WDR76: variants seen among roughly 807,000 people sequenced by gnomAD.
The protein encoded by WDR76 is WD repeat domain 76, also known as WD repeat-containing protein 76.
A neutral mutation model predicts 70.2 loss-of-function variants in WDR76; 52 were observed. The observed-to-expected ratio is 0.74, with a 90% CI of 0.59 to 0.93. WDR76 has a LOEUF of 0.93. WDR76 is among the 40% of genes least tolerant of loss of function. WDR76 has a pLI of 0.00. For synonymous variants in WDR76, 292 were observed against 271.1 expected, an observed-to-expected ratio of 1.08 and a Z score of -0.76; for missense variants, 756 against 760.2, an observed-to-expected ratio of 0.99 and a Z score of 0.07.
At chr15:43,859,260 G>A (rs2087968066) in intron 11 of WDR76, among the ~76,000 whole-genome samples, 1 of 152,130 alleles carries the variant, frequency 6.6e-6, no homozygotes, top group South Asian at 2.1e-4. Context: ...TATTGGATAT[G>A]GTTTTATAGT....
At chr15:43,850,517 G>T (rs942248470) in intron 8 of WDR76, among the ~76,000 whole-genome samples, 2 of 151,938 alleles carry the variant, frequency 1.3e-5, no homozygotes, top group Admixed American at 6.6e-5. Context: ...GGATGGTCTC[G>T]ATCTCCTGAC....
At position 43,839,787 on chromosome 15, in the gene WDR76, G is replaced by A. The variant is rs1033522439; in HGVS notation, c.732+59G>A. Reference sequence around the variant, plus strand: ...AATAAAATACTGAAAAATTTGAAGTGTTGAAACTAGACTAAAAGTTCATTA... The same window carrying A: ...AATAAAATACTGAAAAATTTGAAGTATTGAAACTAGACTAAAAGTTCATTA... On this transcript the variant is annotated intron_variant, in intron 5 of 12. Coordinates refer to ENST00000263795, the MANE Select transcript of WDR76 (RefSeq NM_024908.4). The A allele has an allele frequency of 7.4e-6, 11 of 1,477,924 alleles. No homozygotes were observed. In the African/African-American group the frequency reaches 1.0e-4, roughly 14 times the overall value. The allele number at this position is 1,477,924 out of a possible 1,614,324, so 91.6% of individuals were successfully genotyped here.
At chr15:43,854,815 T>C (rs2087909079) in intron 9 of WDR76, among the ~76,000 whole-genome samples, 1 of 152,106 alleles carries the variant, frequency 6.6e-6, no homozygotes, top group Non-Finnish European at 1.5e-5. Context: ...ATGGGCATGG[T>C]GGCTCACGCC....
At position 43,851,080 on chromosome 15, in the gene WDR76, C is replaced by A. The variant is rs760031372; in HGVS notation, c.1033-7C>A. Reference sequence around the variant, plus strand: ...TCTCTCTCCCCTTTCCCGCAACTCTCTTCCAGACCCAGCAACCTAAAGAAG... The same window carrying A: ...TCTCTCTCCCCTTTCCCGCAACTCTATTCCAGACCCAGCAACCTAAAGAAG... On this transcript the variant is annotated splice_region_variant and splice_polypyrimidine_tract_variant and intron_variant, in intron 8 of 12. Transcript: ENST00000263795. 3.1e-6 allele frequency: 5 copies of A among 1,613,810 alleles called. No homozygotes were observed. In the South Asian group the frequency reaches 5.5e-5, roughly 18 times the overall value.
At chr15:43,835,291 A>ACCCGCAC (rs2087641580) in intron 3 of WDR76, 141 bp downstream of exon 3, 1 of 538,316 alleles carries the variant, frequency 1.9e-6, no homozygotes, top group African/African-American at 2.4e-5. Flanking sequence ...ACATACGGAG[A>ACCCGCAC]CCCGCCCCCC....
intron 5 of WDR76, among the ~76,000 whole-genome samples, chr15:43,841,504 T>C (rs998165751): frequency 6.6e-6 from 1 of 152,138 alleles, no homozygotes; most frequent in African/African-American, 2.4e-5. Flanking sequence ...CACGCATGGC[T>C]AATTTTTGTA....
intron 8 of WDR76, among the ~76,000 whole-genome samples, chr15:43,848,168 G>T (rs373297273): frequency 3.3e-5 from 5 of 152,130 alleles, no homozygotes; most frequent in African/African-American, 1.2e-4. Flanking sequence ...AGCTCAAGGC[G>T]GTTGAGGCTG....
rs1163275078 is a variant in WDR76 at position 43,844,926 on chromosome 15, T to TAAAA, written c.1032+896_1032+899dup. On this transcript the variant is annotated intron_variant, in intron 8 of 12. Transcript: ENST00000263795. ...CTGGGCGACAGAGCGAGACTCTGTG[T>TAAAA]AAAAAAAAAAAAAAAAAAAAAAAAA... Among the ~76,000 whole-genome samples the TAAAA allele has an allele frequency of 8.2e-3, 127 of 15,534 alleles. 10 individuals are homozygous for TAAAA. The highest frequency in any genetic ancestry group is 0.029 in the African/African-American group (112 of 3,882). 10.2% of individuals were successfully genotyped at this position (15,534 alleles called of 152,430 possible). A position where few individuals can be genotyped will look rare whatever the true frequency, so the allele number is the denominator to read the frequency against.
intron 9 of WDR76, among the ~76,000 whole-genome samples, chr15:43,853,050 G>A (rs1225391148): frequency 6.6e-6 from 1 of 151,884 alleles, no homozygotes; most frequent in Non-Finnish European, 1.5e-5. Flanking sequence ...CACCACACCT[G>A]GCTAATTTTT....
rs922617636 is a variant in WDR76 at position 43,839,656 on chromosome 15, A to G, written c.660A>G (p.Leu220=). The G allele has an allele frequency of 6.2e-7, 1 of 1,612,886 alleles. No individual in the cohort carries two copies. Among genetic ancestry groups the G allele is most frequent in the Non-Finnish European group, 8.5e-7 (1 of 1,179,298 alleles). ...NGIGCRRSMR[L]LKVDPSGVSL... ...TTGGATGTAGAAGGTCAATGCGATT[A>G]CTAAAAGTTGATCCTTCGGGAGTTT... Residue 220 remains leucine (L), a synonymous_variant, in exon 5 of 13, where the codon TTA becomes TTG. Coordinates refer to ENST00000263795, the MANE Select transcript of WDR76 (RefSeq NM_024908.4).
intron 4 of WDR76, 53 bp downstream of exon 4, chr15:43,836,269 T>C (rs1486674018): frequency 1.9e-6 from 3 of 1,549,888 alleles, no homozygotes; most frequent in African/African-American, 1.4e-5. Context: ...TCAACTGTTT[T>C]ATAATTTGAA....
intron 2 of WDR76, among the ~76,000 whole-genome samples, chr15:43,830,973 A>G (rs974646411): frequency 1.3e-5 from 2 of 151,406 alleles, no homozygotes; most frequent in African/African-American, 4.9e-5. Context: ...GCTTGAACTG[A>G]GGAGGTAGAG....
At chr15:43,835,868 G>A (rs1210845383) in intron 3 of WDR76, among the ~76,000 whole-genome samples, 2 of 152,018 alleles carry the variant, frequency 1.3e-5, no homozygotes, top group Admixed American at 1.3e-4. Flanking sequence ...TGTTGGTAAG[G>A]CTGGTCTCGA....
chr15:43,840,835 G>T (rs1332047525), intron 5 of WDR76, among the ~76,000 whole-genome samples: 1 of 152,004 alleles, frequency 6.6e-6, no homozygotes, highest in Non-Finnish European at 1.5e-5. Context: ...ACAAAAATCA[G>T]CTGGGTGTGG....
In WDR76 at chr15:43,866,425, T is replaced by G; in HGVS notation, c.*33T>G. ...GTTTAGGAACATCAATTTGTTCAAATTGACCACTGTCTAAGGAGCCTAGTA... is the reference window on the plus strand; with the variant it reads ...GTTTAGGAACATCAATTTGTTCAAAGTGACCACTGTCTAAGGAGCCTAGTA... On this transcript the variant is annotated 3_prime_UTR_variant, in exon 13 of 13. Transcript: ENST00000263795. 1 of 1,610,176 alleles carries G rather than the reference T, an allele frequency of 6.2e-7. No individual in the cohort carries two copies. The highest frequency in any genetic ancestry group is 8.5e-7 in the Non-Finnish European group (1 of 1,176,884).
intron 9 of WDR76, among the ~76,000 whole-genome samples, chr15:43,856,430 A>G (rs1055425073): frequency 2.0e-5 from 3 of 152,120 alleles, no homozygotes; most frequent in East Asian, 1.9e-4. Flanking sequence ...TATAATTTCA[A>G]TTGGGTAGAA....
chr15:43,845,003 C>T (rs1318803663), intron 8 of WDR76, among the ~76,000 whole-genome samples: 2 of 140,460 alleles, frequency 1.4e-5, no homozygotes, highest in Admixed American at 7.2e-5. Context: ...GCTCTGTCGC[C>T]CAGGCTGGAG....
chr15:43,842,909 G>A (rs1047130241), intron 7 of WDR76, among the ~76,000 whole-genome samples: 4 of 151,628 alleles, frequency 2.6e-5, no homozygotes, highest in African/African-American at 9.7e-5. Context: ...AACAGTGCCT[G>A]GCACATAATA....
At chr15:43,860,573 G>A (rs943863415) in intron 11 of WDR76, among the ~76,000 whole-genome samples, 1 of 151,570 alleles carries the variant, frequency 6.6e-6, no homozygotes, top group African/African-American at 2.4e-5. Flanking sequence ...CAACCCTGAC[G>A]TGCTGGGCTC....
Sources: gnomAD v4.1 joint callset for allele counts (sites outside exome capture counted in the v4.1 genomes callset) on GRCh38, gnomAD v4.1.1 for gene constraint, MANE v1.5 for transcripts, NCBI Gene and HGNC (gene_info 2026-07-23, HGNC 2026-07-21) for gene names.